DOCK4: variants seen among roughly 807,000 people sequenced by gnomAD.
DOCK4 encodes dedicator of cytokinesis 4, also known as dedicator of cytokinesis protein 4.
Under a neutral mutation model 268.1 loss-of-function variants are expected in DOCK4, and 97 were observed. That is an observed-to-expected ratio of 0.36 (90% CI 0.31 to 0.43). The LOEUF (loss-of-function observed/expected upper bound fraction) is 0.43. DOCK4 is among the 20% of genes least tolerant of loss of function. The probability of loss-of-function intolerance (pLI) is 1.00; values close to 1 mark genes in which losing one functional copy is unlikely to be tolerated. For missense variants in DOCK4, 2,145 were observed against 2,455.7 expected, an observed-to-expected ratio of 0.87 and a Z score of 2.67; for synonymous variants, 954 against 887.2, an observed-to-expected ratio of 1.08 and a Z score of -1.34.
At chr7:111,753,571 T>C (rs1359122206) in intron 42 of DOCK4, among the ~76,000 whole-genome samples, 1 of 152,136 alleles carries the variant, frequency 6.6e-6, no homozygotes, top group Non-Finnish European at 1.5e-5. Flanking sequence ...TTAGAAAAGG[T>C]TGGGTGTATT....
At chr7:112,165,486 G>A (rs1300426418) in intron 1 of DOCK4, among the ~76,000 whole-genome samples, 1 of 150,718 alleles carries the variant, frequency 6.6e-6, no homozygotes, top group Non-Finnish European at 1.5e-5. Context: ...TACTGCAAAT[G>A]ATATGATTTC....
intron 1 of DOCK4, among the ~76,000 whole-genome samples, chr7:112,095,737 A>G (rs1810065761): frequency 6.6e-6 from 1 of 152,128 alleles, no homozygotes. Context: ...AGCAATTTTC[A>G]TGAATTTAAG....
chr7:112,094,473 G>T (rs746893382), intron 1 of DOCK4, among the ~76,000 whole-genome samples: 1 of 152,252 alleles, frequency 6.6e-6, no homozygotes, highest in Non-Finnish European at 1.5e-5. Context: ...AATTGGAAAA[G>T]AATACTTTTC....
chr7:111,770,400 C>G (rs1160472909), intron 36 of DOCK4, among the ~76,000 whole-genome samples: 1 of 151,920 alleles, frequency 6.6e-6, no homozygotes, highest in Admixed American at 6.6e-5. Flanking sequence ...CAGATGGCCC[C>G]ACAAATCTTC....
intron 30 of DOCK4, among the ~76,000 whole-genome samples, chr7:111,796,761 A>AT (rs980130413): frequency 6.6e-6 from 1 of 152,194 alleles, no homozygotes; most frequent in Non-Finnish European, 1.5e-5. Context: ...TCCAAGATCC[A>AT]TTTTTTAGAA....
Position 111,760,258 on chromosome 7 carries a change from A to G in DOCK4, c.4085T>C (p.Leu1362Pro). 6.2e-7 allele frequency: 1 copy of G among 1,614,014 alleles called. No individual in the cohort carries two copies. Among genetic ancestry groups the G allele is most frequent in the Non-Finnish European group, 8.5e-7 (1 of 1,179,884 alleles). Reference protein sequence around the residue: ...ERLEAFQQRMLNEFPHAIAMQ... With the variant: ...ERLEAFQQRMPNEFPHAIAMQ... ...GGCGATGGCATGGGGGAACTCGTTC[A>G]GCATTCTCTGTTGGAAGGCTTCCAG... Residue 1362 changes from leucine to proline, a missense_variant, in exon 40 of 53, where the codon CTG becomes CCG. Physicochemically the swap from Leu to Pro is moderately conservative, Grantham distance 98. Around this residue, in one of 2 missense-constraint regions of DOCK4, gnomAD observed 1,598 missense variants for 1,986.7 expected, o/e 0.80. Coordinates refer to ENST00000428084, the MANE Select transcript of DOCK4 (RefSeq NM_001363540.2).
At chr7:111,930,459 C>T (rs1162424839) in intron 12 of DOCK4, among the ~76,000 whole-genome samples, 1 of 152,100 alleles carries the variant, frequency 6.6e-6, no homozygotes, top group African/African-American at 2.4e-5. Context: ...AATTTGTTTC[C>T]GAAACCAATT....
intron 42 of DOCK4, among the ~76,000 whole-genome samples, chr7:111,749,096 A>G (rs142434040): frequency 3.0e-4 from 46 of 152,304 alleles, no homozygotes; most frequent in Non-Finnish European, 5.7e-4. Context: ...GACTACTTTT[A>G]TGGTGAAGAT....
At chr7:112,201,166 TA>T (rs1820901514) in intron 1 of DOCK4, among the ~76,000 whole-genome samples, 2 of 152,174 alleles carry the variant, frequency 1.3e-5, no homozygotes, top group African/African-American at 4.8e-5. Context: ...ACGCTATGAT[TA>T]AAGCATCTTT....
rs1367406555 is a variant in DOCK4 at position 111,834,648 on chromosome 7, T to A, written c.2775A>T (p.Gln925His). The A allele has an allele frequency of 3.9e-6, 6 of 1,556,410 alleles. No individual in the cohort carries two copies. Among genetic ancestry groups the A allele is most frequent in the Admixed American group, 1.9e-5 (1 of 51,888 alleles). Residue 925 changes from glutamine (Q) to histidine (H), a missense_variant, in exon 26 of 53, where the codon CAA (glutamine) becomes CAT (histidine). By Grantham distance (24) the Gln-to-His change is conservative. This residue lies in a region of DOCK4 where 1,598 missense variants were observed against 1,986.7 expected (regional missense o/e 0.80). Coordinates refer to ENST00000428084, the MANE Select transcript of DOCK4 (RefSeq NM_001363540.2). Reference protein sequence around the residue: ...FVACLLSLLRQMTDRHYQQLL... With the variant: ...FVACLLSLLRHMTDRHYQQLL... ...GCTGTTGATAATGTCTATCTGTCAT[T>A]TGTCGTAATAGGGACAGGAGACAAG...
At chr7:111,942,113 A>G (rs1795258062) in intron 10 of DOCK4, among the ~76,000 whole-genome samples, 1 of 152,178 alleles carries the variant, frequency 6.6e-6, no homozygotes, top group South Asian at 2.1e-4. Context: ...CACATTCTCT[A>G]AGTAGGAAGG....
intron 1 of DOCK4, among the ~76,000 whole-genome samples, chr7:112,104,856 T>A (rs79508127): frequency 1.3e-5 from 2 of 152,158 alleles, no homozygotes; most frequent in African/African-American, 4.8e-5. Flanking sequence ...TAAGGTAGTA[T>A]ATAATTAACC....
chr7:111,809,715 A>C (rs900492886), intron 28 of DOCK4, among the ~76,000 whole-genome samples: 1 of 152,226 alleles, frequency 6.6e-6, no homozygotes, highest in African/African-American at 2.4e-5. Context: ...TATATGCTAA[A>C]AGACAGATGC....
At chr7:112,041,988 G>A (rs967677490) in intron 1 of DOCK4, among the ~76,000 whole-genome samples, 3 of 152,166 alleles carry the variant, frequency 2.0e-5, no homozygotes, top group African/African-American at 7.2e-5. Flanking sequence ...AGGCAAGCAA[G>A]GTGGCACACG....
chr7:112,034,755 T>A (rs981769818), intron 1 of DOCK4, among the ~76,000 whole-genome samples: 2 of 152,008 alleles, frequency 1.3e-5, no homozygotes, highest in African/African-American at 4.8e-5. Context: ...CAAAAATTAG[T>A]GTTTGGTGTG....
chr7:112,171,986 G>A (rs1389426833), intron 1 of DOCK4, among the ~76,000 whole-genome samples: 1 of 152,144 alleles, frequency 6.6e-6, no homozygotes, highest in East Asian at 1.9e-4. Context: ...GTCTCCTTGT[G>A]TGTCCAATTT....
chr7:112,162,674 G>T (rs1368196404), intron 1 of DOCK4, among the ~76,000 whole-genome samples: 3 of 152,084 alleles, frequency 2.0e-5, no homozygotes, highest in African/African-American at 7.2e-5. Flanking sequence ...CTACTTTGAG[G>T]AGGGTTTTTA....
At chr7:111,734,468 T>C (rs973771883) in intron 51 of DOCK4, among the ~76,000 whole-genome samples, 4 of 152,224 alleles carry the variant, frequency 2.6e-5, no homozygotes, top group South Asian at 2.1e-4. Context: ...ATTACAGGCA[T>C]AAGCCAAAAC....
chr7:111,827,317 TAA>T (rs1218878560), intron 26 of DOCK4, among the ~76,000 whole-genome samples: 1 of 152,162 alleles, frequency 6.6e-6, no homozygotes, highest in Non-Finnish European at 1.5e-5. Flanking sequence ...CAAATAAAGA[TAA>T]GTCAAAATAA....
Sources: gnomAD v4.1 joint callset for allele counts (sites outside exome capture counted in the v4.1 genomes callset) on GRCh38, gnomAD v4.1.1 for gene constraint, gnomAD v4.1.1 regional missense constraint, MANE v1.5 for transcripts, NCBI Gene and HGNC (gene_info 2026-07-23, HGNC 2026-07-21) for gene names.